Variants in ANKS1B observed in about 807,000 individuals in gnomAD.
The protein encoded by ANKS1B is ankyrin repeat and sterile alpha motif domain containing 1B.
ANKS1B carries 36 observed loss-of-function variants against 148.3 expected under a neutral mutation model. The ratio of observed to expected loss-of-function variants is 0.24; its 90% confidence interval spans 0.19 to 0.32. The LOEUF is 0.32. Among genes scored for constraint, ANKS1B ranks in the 10% least tolerant of loss-of-function variants. The pLI, the probability that ANKS1B is intolerant of heterozygous loss-of-function variation, is 1.00. For missense variants in ANKS1B, 1,157 were observed against 1,542.6 expected (o/e 0.75, Z 4.19); for synonymous variants, 542 against 560.8 (o/e 0.97, Z 0.47).
chr12:99,036,266 G>T (rs2099955500), intron 17 of ANKS1B, among the ~76,000 whole-genome samples: 1 of 151,880 alleles, frequency 6.6e-6, no homozygotes, highest in South Asian at 2.1e-4. Context: ...GCCACTCTTG[G>T]TATATGAACA....
rs1175545061 is a variant in ANKS1B, at chr12:99,396,971, T to C, written c.1756+2660A>G. On this transcript the variant is annotated intron_variant, in intron 12 of 26. Transcript: ENST00000683438. The stretch of plus-strand genomic sequence containing the variant: ...ATCTGGAACTAGTCATTCAAATAAA[T>C]ATTGTTTGAATAATAATTATATGCC... Among the ~76,000 whole-genome samples, 3 of 152,238 alleles carry C rather than the reference T, an allele frequency of 2.0e-5. No individual in the cohort carries two copies. The East Asian group carries it at 5.8e-4, about 29-fold the overall frequency.
At chr12:99,191,757 G>C (rs900890314) in intron 14 of ANKS1B, among the ~76,000 whole-genome samples, 1 of 152,206 alleles carries the variant, frequency 6.6e-6, no homozygotes, top group South Asian at 2.1e-4. Flanking sequence ...ACGGGTTGAT[G>C]GGTGCAGCAA....
At position 98,867,936 on chromosome 12, in the gene ANKS1B, G is replaced by A. The variant is rs553301932; in HGVS notation, c.2779-35800C>T. ...GTAAAGCTTCTGCCGTTTATGGGAGGTAAAGCATTCTCTGCATCACCCAAC... is the reference window on the plus strand; with the variant it reads ...GTAAAGCTTCTGCCGTTTATGGGAGATAAAGCATTCTCTGCATCACCCAAC... On this transcript the variant is annotated intron_variant, in intron 17 of 26. Coordinates refer to ENST00000683438, the MANE Select transcript of ANKS1B (RefSeq NM_001352186.2). 1.5e-3 allele frequency among the ~76,000 whole-genome samples: 228 copies of A among 152,170 alleles called. 2 individuals carry two copies. The highest frequency in any genetic ancestry group is 5.4e-3 in the African/African-American group (223 of 41,528).
chr12:98,986,922 C>T (rs2153242149), intron 17 of ANKS1B, among the ~76,000 whole-genome samples: 1 of 152,038 alleles, frequency 6.6e-6, no homozygotes, highest in South Asian at 2.1e-4. Context: ...GCTGGCTGAC[C>T]TTTTAAGACT....
chr12:99,002,359 C>T (rs1416653785), intron 17 of ANKS1B, among the ~76,000 whole-genome samples: 1 of 152,194 alleles, frequency 6.6e-6, no homozygotes, highest in Non-Finnish European at 1.5e-5. Flanking sequence ...CAGCTTCCCC[C>T]AGCCTGAAGC....
At chr12:99,089,885 T>C (rs1393942006) in intron 15 of ANKS1B, among the ~76,000 whole-genome samples, 1 of 152,172 alleles carries the variant, frequency 6.6e-6, no homozygotes, top group African/African-American at 2.4e-5. Flanking sequence ...CAATAATCAA[T>C]AAATAAAGTT....
At chr12:99,969,282 A>G (rs994075865) in intron 1 of ANKS1B, among the ~76,000 whole-genome samples, 6 of 152,054 alleles carry the variant, frequency 3.9e-5, no homozygotes, top group Admixed American at 3.3e-4. Context: ...GGGCTCAAGC[A>G]ATGCTTCTAC....
chr12:99,653,777 T>C (rs1014343182), intron 9 of ANKS1B, among the ~76,000 whole-genome samples: 2 of 147,928 alleles, frequency 1.4e-5, no homozygotes, highest in African/African-American at 5.0e-5. Context: ...CAACCTCCCA[T>C]CTCAGCCTCC....
chr12:99,361,727 A>G (rs116770958), intron 12 of ANKS1B, among the ~76,000 whole-genome samples: 1,561 of 152,186 alleles, frequency 0.01, 29 homozygotes, highest in African/African-American at 0.036. Context: ...GATTGAATAA[A>G]TGTATTATTA....
intron 12 of ANKS1B, among the ~76,000 whole-genome samples, chr12:99,291,187 A>G (rs546396427): frequency 6.6e-6 from 1 of 152,286 alleles, no homozygotes; most frequent in South Asian, 2.1e-4. Flanking sequence ...GAAGTGAAAG[A>G]TATCTAAAAT....
chr12:99,763,053 A>G (rs1054904463), intron 8 of ANKS1B, among the ~76,000 whole-genome samples: 1 of 152,198 alleles, frequency 6.6e-6, no homozygotes, highest in Non-Finnish European at 1.5e-5. Context: ...TGGGAATGTC[A>G]GTTAATTCAG....
At chr12:98,850,508 C>T (rs946163604) in intron 17 of ANKS1B, among the ~76,000 whole-genome samples, 7 of 125,414 alleles carry the variant, frequency 5.6e-5, no homozygotes, top group Non-Finnish European at 9.5e-5. Flanking sequence ...CACTCTGTCG[C>T]CCAGGCCAGA....
intron 8 of ANKS1B, 85 bp downstream of exon 8, chr12:99,772,837 T>G: frequency 7.6e-7 from 1 of 1,315,320 alleles, no homozygotes; most frequent in East Asian, 2.5e-5. Flanking sequence ...AATCTGATAA[T>G]GCACCACATC....
chr12:99,390,699 G>A (rs1288867718), intron 12 of ANKS1B, among the ~76,000 whole-genome samples: 1 of 152,176 alleles, frequency 6.6e-6, no homozygotes, highest in East Asian at 1.9e-4. Flanking sequence ...CTGTGGTAAG[G>A]ACTAGCAAGA....
At chr12:98,861,561 A>G (rs1595727025) in intron 17 of ANKS1B, among the ~76,000 whole-genome samples, 1 of 152,208 alleles carries the variant, frequency 6.6e-6, no homozygotes, top group Non-Finnish European at 1.5e-5. Flanking sequence ...ATCAATTAAC[A>G]ATGTTTGAAG....
intron 17 of ANKS1B, among the ~76,000 whole-genome samples, chr12:98,859,051 G>A (rs552623484): frequency 7.9e-5 from 12 of 152,236 alleles, no homozygotes; most frequent in Admixed American, 7.2e-4. Context: ...CTAAAGGAAC[G>A]CTGTGTGTAG....
intron 17 of ANKS1B, among the ~76,000 whole-genome samples, chr12:99,041,161 G>A (rs1467862726): frequency 6.6e-6 from 1 of 152,042 alleles, no homozygotes; most frequent in Admixed American, 6.5e-5. Flanking sequence ...TTAACGAAGG[G>A]GAAGATAAAG....
At chr12:99,756,201 C>T (rs1484418621) in intron 8 of ANKS1B, among the ~76,000 whole-genome samples, 1 of 152,118 alleles carries the variant, frequency 6.6e-6, no homozygotes, top group East Asian at 1.9e-4. Flanking sequence ...ACCACATAGT[C>T]TTAGCCCAAA....
intron 25 of ANKS1B, among the ~76,000 whole-genome samples, chr12:98,753,130 C>T (rs960321382): frequency 2.0e-5 from 3 of 152,236 alleles, no homozygotes; most frequent in Non-Finnish European, 4.4e-5. Context: ...CGCCAAGCAG[C>T]GCCTGGGAGA....
Sources: allele counts gnomAD v4.1 joint callset (sites outside exome capture counted in the v4.1 genomes callset), GRCh38; gene constraint gnomAD v4.1.1; transcripts MANE v1.5; gene names NCBI Gene and HGNC (gene_info 2026-07-23, HGNC 2026-07-21).